Variants in EPHB2 observed in about 807,000 individuals in gnomAD.
EPHB2 encodes ephrin type-B receptor 2.
EPHB2 carries 18 observed loss-of-function variants against 96.4 expected under a neutral mutation model. The observed-to-expected ratio is 0.19, with a 90% confidence interval of 0.13 to 0.28. The LOEUF (loss-of-function observed/expected upper bound fraction) is 0.28, where lower values mean the gene tolerates loss of function less well. Ranked by LOEUF, EPHB2 falls within the 10% of genes least tolerant of loss-of-function variation. The pLI is 1.00. For missense variants in EPHB2, 989 were observed against 1,355.4 expected (o/e 0.73, Z 4.25); for synonymous variants, 506 against 534.1 (o/e 0.95, Z 0.72).
At chr1:22,842,428 C>G (rs1458411624) in intron 3 of EPHB2, among the ~76,000 whole-genome samples, 1 of 152,114 alleles carries the variant, frequency 6.6e-6, no homozygotes, top group Non-Finnish European at 1.5e-5. Context: ...CCGCCCCTTT[C>G]CACCCCTCAC....
chr1:22,711,012 G>A lies in EPHB2; in HGVS notation c.30G>A (p.Leu10=). 1 of 151,680 alleles carries A rather than the reference G, an allele frequency of 6.6e-6. No individual in the cohort carries two copies. 9.4% of individuals were successfully genotyped at this position (151,680 alleles called of 1,614,324 possible). A position where few individuals can be genotyped will look rare whatever the true frequency, so the allele number is the denominator to read the frequency against. MALRRLGAA[L]LLLPLLAAVE... is the part of the protein sequence containing the mutation. ...CTCTGCGGAGGCTGGGGGCCGCGCT[G>A]CTGCTGCTGCCGCTGCTCGCCGCCG... The change falls in exon 1 of 16, where the codon CTG becomes CTA. Residue 10 remains leucine (L), a synonymous_variant. Transcript: ENST00000374630.
In EPHB2 at chr1:22,821,514, C is replaced by G. The variant is rs535734281; in HGVS notation, c.811+36438C>G. ...GCCCAAAGAGAGGAAGGCACTCACC[C>G]AGAATTGAACAAAAAATGGGGGCAG... On this transcript the variant is annotated intron_variant, in intron 3 of 15. Coordinates refer to ENST00000374630, the MANE Select transcript of EPHB2 (RefSeq NM_017449.5). 1.2e-4 allele frequency among the ~76,000 whole-genome samples: 18 copies of G among 152,292 alleles called. No individual in the cohort carries two copies. In the South Asian group the frequency reaches 3.1e-3, roughly 26 times the overall value.
chr1:22,797,822 C>T (rs1644788763), intron 3 of EPHB2, among the ~76,000 whole-genome samples: 1 of 152,154 alleles, frequency 6.6e-6, no homozygotes, highest in Admixed American at 6.5e-5. Context: ...TCCTCCTTCC[C>T]TCCCGCTCTC....
In EPHB2 at chr1:22,846,826, T is replaced by G. The variant is rs1434490846; in HGVS notation, c.812-16211T>G. 6.6e-6 allele frequency among the ~76,000 whole-genome samples: 1 copy of G among 152,198 alleles called. No individual in the cohort carries two copies. Among genetic ancestry groups the G allele is most frequent in the Non-Finnish European group, 1.5e-5 (1 of 68,022 alleles). On this transcript the variant is annotated intron_variant, in intron 3 of 15. Transcript: ENST00000374630. This position sits in a 1 kb window ranked among gnomAD's most constrained non-coding sequence, Gnocchi z 4.3. ...AAACCACAGTGGTAGAGACCCCTCC[T>G]CTGGGCTTCCAGACCCAGCGCCTCT...
Position 22,908,134 on chromosome 1 carries a change from A to G in EPHB2, c.2318A>G (p.Asp773Gly). ...TTTGGGCTCTCACGCTTTCTAGAGG[A>G]CGATACCTCAGACCCCACCTACACC... ...SDFGLSRFLEDDTSDPTYTSA... is the reference protein window; with the variant it reads ...SDFGLSRFLEGDTSDPTYTSA... Residue 773 changes from aspartate (D) to glycine (G), a missense_variant, in exon 12 of 16, where the codon GAC (aspartate) becomes GGC (glycine). Coordinates refer to ENST00000374630, the MANE Select transcript of EPHB2 (RefSeq NM_017449.5). 6.2e-7 allele frequency: 1 copy of G among 1,614,210 alleles called. No homozygotes were observed. Among genetic ancestry groups the G allele is most frequent in the Non-Finnish European group, 8.5e-7 (1 of 1,180,038 alleles).
chr1:22,838,801 G>A (rs1368398375), intron 3 of EPHB2, among the ~76,000 whole-genome samples: 1 of 152,062 alleles, frequency 6.6e-6, no homozygotes, highest in Non-Finnish European at 1.5e-5. Flanking sequence ...CGTGGTGGCA[G>A]GTGCCTGTAG....
At chr1:22,782,340 A>G (rs1026330732) in intron 2 of EPHB2, among the ~76,000 whole-genome samples, 1 of 152,166 alleles carries the variant, frequency 6.6e-6, no homozygotes, top group Admixed American at 6.5e-5. Flanking sequence ...TGTCATTGTC[A>G]TGAAGTTGAA....
rs1553162300 is a variant in EPHB2, at chr1:22,765,563, A to AAC, written c.62-15858_62-15857insAC. Among the ~76,000 whole-genome samples the AAC allele has an allele frequency of 3.3e-5, 5 of 149,610 alleles. No individual in the cohort carries two copies. The South Asian group carries it at 6.4e-4, about 19-fold the overall frequency. ...CCCTGTCGCAAAAAAAAAAAAAAAAACATTGAGTTCATCCCGTGAGCACCG... is the reference window on the plus strand; with the variant it reads ...CCCTGTCGCAAAAAAAAAAAAAAAAAACCATTGAGTTCATCCCGTGAGCACCG... On this transcript the variant is annotated intron_variant, in intron 1 of 15. Coordinates refer to ENST00000374630, the MANE Select transcript of EPHB2 (RefSeq NM_017449.5).
intron 1 of EPHB2, among the ~76,000 whole-genome samples, chr1:22,758,329 AAGGGTCATGTAGAGGGACCCAG>A (rs1423800019): frequency 4.6e-5 from 7 of 151,966 alleles, no homozygotes; most frequent in Admixed American, 2.0e-4. Flanking sequence ...TAGGGTCAGG[AAGGGTCATGTAGAGGGACCCAG>A]AGGGTCCCTC....
chr1:22,805,554 A>G (rs28420849), intron 3 of EPHB2, among the ~76,000 whole-genome samples: 11,471 of 152,024 alleles, frequency 0.075, 1,353 homozygotes, highest in African/African-American at 0.26. Context: ...CCACCTCTCT[A>G]CAACCACCCA....
chr1:22,875,592 C>T lies in EPHB2; in HGVS notation c.1304-6767C>T, dbSNP rs965059848. On this transcript the variant is annotated intron_variant, in intron 5 of 15. Coordinates refer to ENST00000374630, the MANE Select transcript of EPHB2 (RefSeq NM_017449.5). This position sits in a 1 kb window ranked among gnomAD's most constrained non-coding sequence, Gnocchi z 4.2. ...AAAAGGGGAGAATCTGTCTGGTCCC[C>T]GCTTTTCCCTTTCTCCCTTCCTTCC... Among the ~76,000 whole-genome samples the T allele has an allele frequency of 5.3e-5, 8 of 152,134 alleles. No homozygotes were observed. The highest frequency in any genetic ancestry group is 8.8e-5 in the Non-Finnish European group (6 of 68,020).
rs1645773461 is a variant in EPHB2, at chr1:22,860,251, G to A, written c.812-2786G>A. 6.6e-6 allele frequency among the ~76,000 whole-genome samples: 1 copy of A among 152,182 alleles called. No individual in the cohort carries two copies. Among genetic ancestry groups the A allele is most frequent in the African/African-American group, 2.4e-5 (1 of 41,440 alleles). On this transcript the variant is annotated intron_variant, in intron 3 of 15. Coordinates refer to ENST00000374630, the MANE Select transcript of EPHB2 (RefSeq NM_017449.5). This position sits in a 1 kb window ranked among gnomAD's most constrained non-coding sequence, Gnocchi z 4.6. Reference sequence around the variant, plus strand: ...AGAGGCTGAGGAGTGGGTGGAAAGAGCTTTCTAGATGCTGGCAGCGGGGGG... The same window carrying A: ...AGAGGCTGAGGAGTGGGTGGAAAGAACTTTCTAGATGCTGGCAGCGGGGGG...
At chr1:22,813,566 T>C (rs1645032459) in intron 3 of EPHB2, among the ~76,000 whole-genome samples, 1 of 152,162 alleles carries the variant, frequency 6.6e-6, no homozygotes, top group Admixed American at 6.5e-5. Context: ...GGAGGGGCCA[T>C]CTGGGAGGTA....
chr1:22,762,351 C>T (rs929014107), intron 1 of EPHB2, among the ~76,000 whole-genome samples: 4 of 152,216 alleles, frequency 2.6e-5, no homozygotes, highest in African/African-American at 7.2e-5. Flanking sequence ...TCAGCTGGAA[C>T]CTCTACCCAC....
At chr1:22,725,653 A>G (rs1643564995) in intron 1 of EPHB2, among the ~76,000 whole-genome samples, 1 of 152,094 alleles carries the variant, frequency 6.6e-6, no homozygotes, top group Non-Finnish European at 1.5e-5. Flanking sequence ...TGCACTGGGG[A>G]GTTCTGGAGA....
chr1:22,871,797 C>T (rs1326611513), intron 5 of EPHB2, among the ~76,000 whole-genome samples: 2 of 152,122 alleles, frequency 1.3e-5, no homozygotes, highest in Non-Finnish European at 2.9e-5. Context: ...GCGGGTGGAT[C>T]ACGAGGTCAG....
At chr1:22,756,577 G>T (rs1644154553) in intron 1 of EPHB2, among the ~76,000 whole-genome samples, 1 of 152,018 alleles carries the variant, frequency 6.6e-6, no homozygotes, top group African/African-American at 2.4e-5. Flanking sequence ...GAGGTGTGGG[G>T]GAAGTGGCGG....
chr1:22,899,692 A>G (rs1037122028), intron 9 of EPHB2, among the ~76,000 whole-genome samples: 1 of 152,220 alleles, frequency 6.6e-6, no homozygotes, highest in African/African-American at 2.4e-5. Context: ...TCACCTGTAC[A>G]TTAAAAATAA....
chr1:22,899,293 G>A (rs1639673702), intron 9 of EPHB2, among the ~76,000 whole-genome samples: 2 of 151,434 alleles, frequency 1.3e-5, no homozygotes, highest in Admixed American at 1.3e-4. Context: ...CCTGAGGTCG[G>A]GAGTTCAAGA....
Sources: allele counts gnomAD v4.1 joint callset (sites outside exome capture counted in the v4.1 genomes callset), GRCh38; gene constraint gnomAD v4.1.1; non-coding constraint Gnocchi (gnomAD v3.1); transcripts MANE v1.5; gene names NCBI Gene and HGNC (gene_info 2026-07-23, HGNC 2026-07-21).